Variants in ABCB1 observed in about 807,000 individuals in gnomAD.
ABCB1 encodes ATP binding cassette subfamily B member 1.
Under a neutral mutation model 142.0 loss-of-function variants are expected in ABCB1, and 69 were observed. The observed-to-expected ratio is 0.49, with a 90% CI of 0.40 to 0.59. The LOEUF (loss-of-function observed/expected upper bound fraction) is 0.59, where lower values mean the gene tolerates loss of function less well. ABCB1 is among the 20% of genes least tolerant of loss of function. The pLI is 0.00. For synonymous variants in ABCB1, 532 were observed against 539.2 expected (o/e 0.99, Z 0.18); for missense variants, 1,326 against 1,554.7 (o/e 0.85, Z 2.47).
At chr7:87,657,875 G>A (rs1194135364) in intron 1 of ABCB1, among the ~76,000 whole-genome samples, 1 of 152,108 alleles carries the variant, frequency 6.6e-6, no homozygotes, top group Non-Finnish European at 1.5e-5. Context: ...TCCTCCACTT[G>A]GCAGTAATGA....
At chr7:87,696,099 GA>G (rs1159841795) in intron 1 of ABCB1, among the ~76,000 whole-genome samples, 4 of 152,082 alleles carry the variant, frequency 2.6e-5, no homozygotes, top group Admixed American at 2.0e-4. Context: ...TTAACATTGG[GA>G]AAATGTTAAC....
At chr7:87,613,962 A>T (rs1819946051) in intron 1 of ABCB1, among the ~76,000 whole-genome samples, 1 of 152,200 alleles carries the variant, frequency 6.6e-6, no homozygotes, top group South Asian at 2.1e-4. Flanking sequence ...CTTATTTATT[A>T]ATCTAGACAA....
intron 1 of ABCB1, among the ~76,000 whole-genome samples, chr7:87,688,864 T>G (rs779441644): frequency 6.6e-6 from 1 of 152,032 alleles, no homozygotes; most frequent in Non-Finnish European, 1.5e-5. Context: ...TATGTATTTG[T>G]ATTTATTTAT....
At chr7:87,581,267 T>C (rs961056141) in intron 4 of ABCB1, among the ~76,000 whole-genome samples, 5 of 152,102 alleles carry the variant, frequency 3.3e-5, no homozygotes, top group African/African-American at 1.2e-4. Flanking sequence ...TCTAGTCCTG[T>C]TCTTTATGCC....
At chr7:87,561,448 T>C in intron 7 of ABCB1, 61 bp from the exon 8 acceptor site, 2 of 1,479,528 alleles carry the variant, frequency 1.4e-6, no homozygotes, top group Non-Finnish European at 1.9e-6. Flanking sequence ...TTTTGTAAAG[T>C]AAAAATAAAT....
intron 26 of ABCB1, among the ~76,000 whole-genome samples, chr7:87,507,440 C>A (rs1814797012): frequency 6.6e-6 from 1 of 152,198 alleles, no homozygotes; most frequent in Non-Finnish European, 1.5e-5. Context: ...TGATGCTGAT[C>A]CGTGTCTATA....
intron 14 of ABCB1, among the ~76,000 whole-genome samples, chr7:87,548,583 G>A (rs970428043): frequency 6.6e-6 from 1 of 152,114 alleles, no homozygotes. Context: ...GACAGGGAGA[G>A]TTGAAACAAA....
chr7:87,713,088 T>C (rs557405506), intron 1 of ABCB1: 1 of 152,304 alleles, frequency 6.6e-6, no homozygotes, highest in South Asian at 2.1e-4. Context: ...TGCAAACTTC[T>C]AGTCAAGACA....
At chr7:87,525,277 T>C (rs1815733353) in intron 21 of ABCB1, among the ~76,000 whole-genome samples, 1 of 152,162 alleles carries the variant, frequency 6.6e-6, no homozygotes, top group Non-Finnish European at 1.5e-5. Context: ...TAAAAATGTA[T>C]GTTTCTAGAA....
intron 6 of ABCB1, 34 bp from the exon 7 acceptor site, chr7:87,566,275 AG>A (rs755121900): frequency 1.1e-5 from 18 of 1,606,184 alleles, no homozygotes; most frequent in Admixed American, 1.7e-5. Context: ...AATAATTGTC[AG>A]AATTGTAAAC....
intron 4 of ABCB1, among the ~76,000 whole-genome samples, chr7:87,583,257 G>T (rs1818595769): frequency 6.6e-6 from 1 of 152,112 alleles, no homozygotes; most frequent in Non-Finnish European, 1.5e-5. Flanking sequence ...TGAGAAGTAG[G>T]TTCTATTGTT....
chr7:87,626,973 A>G (rs568028879), intron 1 of ABCB1, among the ~76,000 whole-genome samples: 167 of 152,104 alleles, frequency 1.1e-3, no homozygotes, highest in African/African-American at 3.9e-3. Context: ...ATGGGGTTTC[A>G]CTATGTTGGT....
At chr7:87,651,762 A>T (rs933162399) in intron 1 of ABCB1, among the ~76,000 whole-genome samples, 9 of 152,152 alleles carry the variant, frequency 5.9e-5, no homozygotes, top group Non-Finnish European at 7.4e-5. Context: ...TGCTGAAAGC[A>T]TCCAGGTTTT....
intron 8 of ABCB1, among the ~76,000 whole-genome samples, chr7:87,555,057 G>A (rs139722542): frequency 3.0e-3 from 453 of 152,258 alleles, no homozygotes; most frequent in African/African-American, 0.01. Context: ...ATTTTTGACG[G>A]TAAAGTTAAA....
intron 1 of ABCB1, among the ~76,000 whole-genome samples, chr7:87,680,959 T>G (rs1227840546): frequency 6.6e-6 from 1 of 150,480 alleles, no homozygotes; most frequent in Non-Finnish European, 1.5e-5. Context: ...TTGAAATCAT[T>G]AATAAAATTC....
intron 1 of ABCB1, among the ~76,000 whole-genome samples, chr7:87,640,720 G>T (rs191654421): frequency 6.6e-6 from 1 of 152,016 alleles, no homozygotes; most frequent in African/African-American, 2.4e-5. Context: ...CTTTCCCATG[G>T]TTTCTATTCT....
intron 1 of ABCB1, among the ~76,000 whole-genome samples, chr7:87,701,750 C>T (rs1220317754): frequency 6.6e-6 from 1 of 152,138 alleles, no homozygotes; most frequent in Non-Finnish European, 1.5e-5. Context: ...AGATTTTCTT[C>T]ATATACTTCA....
At chr7:87,524,916 T>C (rs1396484807) in intron 21 of ABCB1, among the ~76,000 whole-genome samples, 1 of 152,188 alleles carries the variant, frequency 6.6e-6, no homozygotes, top group Non-Finnish European at 1.5e-5. Context: ...TTTTAAGAAA[T>C]ATTTTCTGTG....
In ABCB1 at chr7:87,626,774, CAGAG is replaced by C. The variant is rs757569014; in HGVS notation, c.-330-25700_-330-25697del. 6.6e-4 allele frequency among the ~76,000 whole-genome samples: 79 copies of C among 119,374 alleles called. 1 individual carries two copies. The highest frequency in any genetic ancestry group is 5.8e-3 in the East Asian group (26 of 4,500). 78.3% of individuals were successfully genotyped at this position (119,374 alleles called of 152,430 possible). On this transcript the variant is annotated intron_variant, in intron 1 of 28. Transcript: ENST00000265724. ...TGTCATATATATGTCATATATATGT[CAGAG>C]AGAGAGAGAGAGAGAGAGATGGAGT...
Sources: gnomAD v4.1 joint callset for allele counts (sites outside exome capture counted in the v4.1 genomes callset) on GRCh38, gnomAD v4.1.1 for gene constraint, MANE v1.5 for transcripts, NCBI Gene and HGNC (gene_info 2026-07-23, HGNC 2026-07-21) for gene names.